The following PABIR2 variants were observed in gnomAD, a reference collection of about 807,000 sequenced individuals.
PABIR2 encodes the protein PABIR family member 2, also known as family with sequence similarity 122B.
Under a neutral mutation model 22.8 loss-of-function variants are expected in PABIR2, and 7 were observed. The ratio of observed to expected loss-of-function variants is 0.31; its 90% CI spans 0.17 to 0.58. The LOEUF is 0.58. PABIR2 is among the 20% of genes least tolerant of loss of function. The pLI, the probability that PABIR2 is intolerant of heterozygous loss-of-function variation, is 0.89. For synonymous variants in PABIR2, 67 were observed against 73.8 expected, an observed-to-expected ratio of 0.91 and a Z score of 0.47; for missense variants, 155 against 205.1, an observed-to-expected ratio of 0.76 and a Z score of 1.49.
rs191996746 is a variant in PABIR2, at chrX:134,779,112, C to A, written c.659+2709G>T. ...TACAGGCGTGAGCCACTGTGCCCAG[C>A]CACAACAGCTTTTTACGTTTAAGAA... On this transcript the variant is annotated intron_variant, in intron 9 of 9. Transcript: ENST00000343004. Among the ~76,000 whole-genome samples the A allele has an allele frequency of 4.7e-3, 520 of 111,632 alleles. 2 individuals carry two copies. Among genetic ancestry groups the A allele is most frequent in the African/African-American group, 0.015 (448 of 30,838 alleles).
chrX:134,795,295 C>T (rs994862016), intron 1 of PABIR2, among the ~76,000 whole-genome samples: 8 of 111,969 alleles, frequency 7.1e-5, no homozygotes, highest in African/African-American at 2.6e-4. Context: ...GTACTCTCAT[C>T]TCCTTTTTTG....
At chrX:134,783,657 G>A (rs781573678) in intron 8 of PABIR2, among the ~76,000 whole-genome samples, 2 of 109,952 alleles carry the variant, frequency 1.8e-5, no homozygotes, top group Admixed American at 9.7e-5. Context: ...CCCAGGAGGC[G>A]GAGGTTGCAG....
chrX:134,794,501 A>G (rs1194170378), intron 1 of PABIR2, among the ~76,000 whole-genome samples: 1 of 111,285 alleles, frequency 9.0e-6, no homozygotes, highest in Non-Finnish European at 1.9e-5. Flanking sequence ...CCTTCAGTGA[A>G]GGCATGGCAC....
intron 9 of PABIR2, among the ~76,000 whole-genome samples, chrX:134,780,540 C>T (rs1194564934): frequency 8.9e-6 from 1 of 111,977 alleles, no homozygotes; most frequent in East Asian, 2.8e-4. Context: ...GATCACACCA[C>T]TGCACTCCAG....
chrX:134,788,541 T>C (rs1284385494), intron 6 of PABIR2, among the ~76,000 whole-genome samples, 189 bp downstream of exon 6: 1 of 105,321 alleles, frequency 9.5e-6, no homozygotes, highest in Non-Finnish European at 1.9e-5. Context: ...ATATATGTTA[T>C]ATATATATAT....
chrX:134,774,671 A>C (rs993037896), intron 9 of PABIR2, among the ~76,000 whole-genome samples: 10 of 111,837 alleles, frequency 8.9e-5, no homozygotes, highest in Admixed American at 4.8e-4. Flanking sequence ...ATTTTATTTC[A>C]GAATGTCTTC....
chrX:134,785,861 C>T, intron 8 of PABIR2, 25 bp downstream of exon 8: 1 of 1,185,401 alleles, frequency 8.4e-7, no homozygotes, highest in Non-Finnish European at 1.1e-6. Flanking sequence ...GTAGCATTAG[C>T]TATAGTCACC....
intron 9 of PABIR2, among the ~76,000 whole-genome samples, chrX:134,781,540 T>A (rs2079156903): frequency 8.9e-6 from 1 of 112,129 alleles, no homozygotes; most frequent in Admixed American, 9.5e-5. Flanking sequence ...GAATGCCATT[T>A]ACTATGACTT....
intron 1 of PABIR2, among the ~76,000 whole-genome samples, chrX:134,795,181 A>C (rs1354225116): frequency 8.9e-6 from 1 of 111,945 alleles, no homozygotes; most frequent in Non-Finnish European, 1.9e-5. Context: ...TGAAAAAGTC[A>C]ACCTGTTTTT....
intron 2 of PABIR2, among the ~76,000 whole-genome samples, chrX:134,791,291 G>A (rs954007129): frequency 1.8e-5 from 2 of 111,089 alleles, no homozygotes; most frequent in African/African-American, 3.3e-5. Context: ...GATAAGCAAC[G>A]AGGCCCCTGA....
rs2078834130 is a variant in PABIR2, at chrX:134,771,378, T to C, written c.*761A>G. 8.7e-7 allele frequency: 1 copy of C among 1,147,966 alleles called. No individual in the cohort carries two copies. Among genetic ancestry groups the C allele is most frequent in the African/African-American group, 1.8e-5 (1 of 55,861 alleles). 94.6% of individuals were successfully genotyped at this position (1,147,966 alleles called of 1,213,427 possible). A position where few individuals can be genotyped will look rare whatever the true frequency, so the allele number is the denominator to read the frequency against. The stretch of plus-strand genomic sequence containing the variant: ...ACCTAGAAATATCAACAATATTTTA[T>C]ATATTCCTTAGGGCAACAGGTTTGA... On this transcript the variant is annotated 3_prime_UTR_variant, in exon 10 of 10. Transcript: ENST00000343004.
Position 134,789,284 on chromosome X carries a change from T to C in PABIR2, c.235-18A>G, listed in dbSNP as rs375316140. The C allele has an allele frequency of 8.3e-6, 10 of 1,210,258 alleles. No individual in the cohort carries two copies. Among genetic ancestry groups the C allele is most frequent in the Non-Finnish European group, 1.1e-5 (10 of 894,891 alleles). Reference sequence around the variant, plus strand: ...CCTTCTTCCTGCAAAGACAAACATATATGCTAAAAAGGCAGGATCACTGAC... The same window carrying C: ...CCTTCTTCCTGCAAAGACAAACATACATGCTAAAAAGGCAGGATCACTGAC... On this transcript the variant is annotated intron_variant, in intron 3 of 9. Transcript: ENST00000343004.
At chrX:134,777,767 C>T (rs1297191620) in intron 9 of PABIR2, among the ~76,000 whole-genome samples, 5 of 110,129 alleles carry the variant, frequency 4.5e-5, no homozygotes, top group Non-Finnish European at 7.6e-5. Flanking sequence ...ACCCAGGAAG[C>T]GGAGGTTGCA....
chrX:134,779,093 C>T (rs1167215025), intron 9 of PABIR2, among the ~76,000 whole-genome samples: 2 of 111,486 alleles, frequency 1.8e-5, no homozygotes, highest in Non-Finnish European at 3.8e-5. Flanking sequence ...GGATTACAGG[C>T]GTGAGCCACT....
At chrX:134,789,486 G>C (rs2079483822) in intron 3 of PABIR2, 94 bp downstream of exon 3, 2 of 888,433 alleles carry the variant, frequency 2.3e-6, no homozygotes, top group Non-Finnish European at 3.2e-6. Flanking sequence ...CAACTAACCA[G>C]AGTTGCATCC....
intron 8 of PABIR2, among the ~76,000 whole-genome samples, chrX:134,783,765 TA>T (rs1048036456): frequency 2.9e-4 from 29 of 99,963 alleles, no homozygotes; most frequent in Non-Finnish European, 3.7e-4. Context: ...TGGTCTCAAT[TA>T]AAAAAAAAAA....
At chrX:134,788,128 TTA>T (rs920758254) in intron 6 of PABIR2, among the ~76,000 whole-genome samples, 3 of 102,861 alleles carry the variant, frequency 2.9e-5, no homozygotes, top group African/African-American at 1.1e-4. Flanking sequence ...TATATACACG[TTA>T]TATATGTGTA....
At position 134,789,553 on chromosome X, in the gene PABIR2, C is replaced by T. The variant is rs896779347; in HGVS notation, c.234+27G>A. The T allele has an allele frequency of 1.2e-5, 14 of 1,136,430 alleles. No individual in the cohort carries two copies. In the East Asian group the frequency reaches 3.6e-4, roughly 29 times the overall value. The allele number at this position is 1,136,430 out of a possible 1,213,427, so 93.7% of individuals were successfully genotyped here. ...AAAAATGTAAAATCCAAAAAATTTC[C>T]AATCTGAGCTAGTAAGTAAAATTTA... On this transcript the variant is annotated intron_variant, in intron 3 of 9. Coordinates refer to ENST00000343004, the MANE Select transcript of PABIR2 (RefSeq NM_001387468.1).
chrX:134,778,914 G>A (rs1452479695), intron 9 of PABIR2, among the ~76,000 whole-genome samples: 2 of 110,558 alleles, frequency 1.8e-5, no homozygotes, highest in African/African-American at 3.3e-5. Flanking sequence ...CCGGGTTCAC[G>A]CCATTCTTCC....
Sources: gnomAD v4.1 joint callset for allele counts (sites outside exome capture counted in the v4.1 genomes callset) on GRCh38, gnomAD v4.1.1 for gene constraint, MANE v1.5 for transcripts, NCBI Gene and HGNC (gene_info 2026-07-23, HGNC 2026-07-21) for gene names.